The following LPP variants were observed in gnomAD, a reference collection of about 807,000 sequenced individuals.
LPP encodes LIM domain containing preferred translocation partner in lipoma.
In LPP, 38 loss-of-function variants were observed where a neutral mutation model predicts 60.4. The ratio of observed to expected loss-of-function variants is 0.63; its 90% confidence interval spans 0.49 to 0.83. The LOEUF (loss-of-function observed/expected upper bound fraction) is 0.83. LPP is among the 40% of genes least tolerant of loss of function. The pLI, the probability that LPP is intolerant of heterozygous loss-of-function variation, is 0.00. For missense variants in LPP, 902 were observed against 783.6 expected, an observed-to-expected ratio of 1.15 and a Z score of -1.80; for synonymous variants, 328 against 290.8, an observed-to-expected ratio of 1.13 and a Z score of -1.30.
intron 9 of LPP, among the ~76,000 whole-genome samples, chr3:188,803,012 A>G (rs1219685312): frequency 6.7e-6 from 1 of 149,208 alleles, no homozygotes; most frequent in Non-Finnish European, 1.5e-5. Context: ...TAATAATACT[A>G]TATATTAGAT....
intron 7 of LPP, among the ~76,000 whole-genome samples, chr3:188,700,499 G>A (rs1048578922): frequency 1.3e-5 from 2 of 152,226 alleles, no homozygotes; most frequent in African/African-American, 4.8e-5. Context: ...GCACCTTAGT[G>A]CGGGCTGTTT....
In LPP at chr3:188,813,679, C is replaced by T. The variant is rs796367344; in HGVS notation, c.1411-52521C>T. ...ACTCTGCCCCCTTGGGATTGCCTGG[C>T]TCCATAAGATTATTACCGTTGCTGA... On this transcript the variant is annotated intron_variant, in intron 9 of 11. Transcript: ENST00000617246. Among the ~76,000 whole-genome samples the T allele has an allele frequency of 2.0e-5, 3 of 152,158 alleles. No individual in the cohort carries two copies. In the South Asian group the frequency reaches 6.2e-4, roughly 32 times the overall value.
chr3:188,266,552 CAG>C (rs111754646), intron 2 of LPP, among the ~76,000 whole-genome samples: 4,819 of 145,960 alleles, frequency 0.033, 224 homozygotes, highest in African/African-American at 0.1. Flanking sequence ...ACGGGGAAGA[CAG>C]AGAGAGAGAG....
intron 5 of LPP, among the ~76,000 whole-genome samples, chr3:188,513,334 A>G (rs953999155): frequency 1.3e-5 from 2 of 152,150 alleles, no homozygotes; most frequent in African/African-American, 4.8e-5. Flanking sequence ...TTAAACTATT[A>G]ATTTCTTAGA....
chr3:188,297,872 T>C (rs908179362), intron 2 of LPP, among the ~76,000 whole-genome samples: 2 of 152,208 alleles, frequency 1.3e-5, no homozygotes, highest in African/African-American at 4.8e-5. Context: ...CTACTTCATT[T>C]TGGCAAAAGA....
intron 6 of LPP, among the ~76,000 whole-genome samples, chr3:188,550,336 T>A (rs930494937): frequency 2.6e-5 from 4 of 152,032 alleles, no homozygotes; most frequent in African/African-American, 9.7e-5. Flanking sequence ...CCCAGCACTT[T>A]GGGAGGCCGA....
In LPP at chr3:188,467,871, A is replaced by T. The variant is rs147420692; in HGVS notation, c.194-16721A>T. 5.9e-4 allele frequency among the ~76,000 whole-genome samples: 90 copies of T among 152,268 alleles called. 2 individuals carry two copies. The East Asian group carries it at 0.013, about 22-fold the overall frequency. On this transcript the variant is annotated intron_variant, in intron 4 of 11. Coordinates refer to ENST00000617246, the MANE Select transcript of LPP (RefSeq NM_001375462.1). ...CCAACACCTTGATTTTAGTGCATTG[A>T]TATGCATAACTGATTTCTGATTTAT...
At chr3:188,378,514 G>C (rs189595915) in intron 3 of LPP, among the ~76,000 whole-genome samples, 3 of 152,224 alleles carry the variant, frequency 2.0e-5, no homozygotes, top group African/African-American at 2.4e-5. Flanking sequence ...CTCCGAGCCA[G>C]GTGGGGGATA....
chr3:188,805,218 T>C (rs1319675019), intron 9 of LPP, among the ~76,000 whole-genome samples: 3 of 152,086 alleles, frequency 2.0e-5, no homozygotes, highest in Non-Finnish European at 4.4e-5. Flanking sequence ...ATAAAAGGAA[T>C]TGATGAGTTC....
chr3:188,874,637 G>A lies in LPP; in HGVS notation c.*158G>A. The A allele has an allele frequency of 1.2e-6, 1 of 821,406 alleles. No individual in the cohort carries two copies. Among genetic ancestry groups the A allele is most frequent in the Non-Finnish European group, 1.8e-6 (1 of 550,078 alleles). 50.9% of individuals were successfully genotyped at this position (821,406 alleles called of 1,614,324 possible). ...ATAAATTATGAGATTTTTTTTAAAA[G>A]TTGTTACCAAATACACATTTCACAT... On this transcript the variant is annotated 3_prime_UTR_variant, in exon 12 of 12. Transcript: ENST00000617246.
At chr3:188,835,083 C>T (rs1442007917) in intron 9 of LPP, among the ~76,000 whole-genome samples, 1 of 152,086 alleles carries the variant, frequency 6.6e-6, no homozygotes, top group African/African-American at 2.4e-5. Flanking sequence ...CAATTATTTG[C>T]ATCCTTCAAT....
intron 2 of LPP, among the ~76,000 whole-genome samples, chr3:188,232,313 C>T (rs774289949): frequency 4.0e-5 from 6 of 151,884 alleles, no homozygotes; most frequent in Non-Finnish European, 5.9e-5. Flanking sequence ...CTCCATAGTC[C>T]CTTTCAACTC....
At chr3:188,494,793 C>A (rs998524840) in intron 5 of LPP, among the ~76,000 whole-genome samples, 1 of 152,014 alleles carries the variant, frequency 6.6e-6, no homozygotes, top group African/African-American at 2.4e-5. Flanking sequence ...ATGACTGTAA[C>A]GTGCTGCTCA....
At chr3:188,818,180 A>C (rs1752995321) in intron 9 of LPP, among the ~76,000 whole-genome samples, 1 of 152,196 alleles carries the variant, frequency 6.6e-6, no homozygotes, top group African/African-American at 2.4e-5. Flanking sequence ...CACCACAGCA[A>C]GTTCATGGTT....
In LPP at chr3:188,609,464, G is replaced by T. The variant is rs1360813881; in HGVS notation, c.733G>T (p.Gly245Cys). 3.7e-6 allele frequency: 6 copies of T among 1,614,158 alleles called. No individual in the cohort carries two copies. The highest frequency in any genetic ancestry group is 5.1e-6 in the Non-Finnish European group (6 of 1,180,022). The change falls in exon 7 of 12, where the codon GGC (glycine) becomes TGC (cysteine). Residue 245 changes from glycine (G) to cysteine (C), a missense_variant. Transcript: ENST00000617246. This position sits in a 1 kb window ranked among gnomAD's most constrained non-coding sequence, Gnocchi z 6.9. ...TGCCCCTTCATCAGGACAAATTTAT[G>T]GCTCAGGGCCCCAGGGCTATAACAC... is the stretch of plus-strand genomic sequence containing the variant. ...MAAPSSGQIY[G>C]SGPQGYNTQP...
chr3:188,549,581 C>G (rs1827534163), intron 6 of LPP, among the ~76,000 whole-genome samples: 1 of 152,148 alleles, frequency 6.6e-6, no homozygotes, highest in African/African-American at 2.4e-5. Context: ...CATGCTCTGA[C>G]TTTACCATGA....
intron 2 of LPP, among the ~76,000 whole-genome samples, chr3:188,340,889 A>G (rs1341694282): frequency 6.6e-6 from 1 of 152,196 alleles, no homozygotes; most frequent in African/African-American, 2.4e-5. Context: ...ATGTGGATTT[A>G]TGGGAAGAAA....
intron 6 of LPP, among the ~76,000 whole-genome samples, chr3:188,543,001 A>T (rs1411513342): frequency 6.6e-6 from 1 of 152,174 alleles, no homozygotes; most frequent in African/African-American, 2.4e-5. Flanking sequence ...CTATTCTGCT[A>T]AGATACTTTT....
rs1274856266 is a variant in LPP at position 188,887,266 on chromosome 3, TA to T, written c.*12788del. ...TTCTTAGATACATTTCTTCCTTTTT[TA>T]TTCTTTCTTGGGAGACGTTAAGTAT... On this transcript the variant is annotated 3_prime_UTR_variant, in exon 12 of 12. Coordinates refer to ENST00000617246, the MANE Select transcript of LPP (RefSeq NM_001375462.1). 1.4e-5 allele frequency: 3 copies of T among 218,572 alleles called. No homozygotes were observed. The highest frequency in any genetic ancestry group is 6.7e-5 in the African/African-American group (3 of 44,634). The allele number at this position is 218,572 out of a possible 1,614,324, so 13.5% of individuals were successfully genotyped here. A position where few individuals can be genotyped will look rare whatever the true frequency, so the allele number is the denominator to read the frequency against.
Sources: gnomAD v4.1 joint callset for allele counts (sites outside exome capture counted in the v4.1 genomes callset) on GRCh38, gnomAD v4.1.1 for gene constraint, Gnocchi (gnomAD v3.1) non-coding constraint, MANE v1.5 for transcripts, NCBI Gene and HGNC (gene_info 2026-07-23, HGNC 2026-07-21) for gene names.